Variants in MEGF6 observed in about 807,000 individuals in gnomAD.
MEGF6 encodes multiple epidermal growth factor-like domains protein 6.
MEGF6 carries 184 observed loss-of-function variants against 207.1 expected under a neutral mutation model. The ratio of observed to expected loss-of-function variants is 0.89; its 90% CI spans 0.79 to 1.00. The LOEUF (loss-of-function observed/expected upper bound fraction) is 1.00, where lower values mean the gene tolerates loss of function less well. MEGF6 is among the 50% of genes least tolerant of loss of function. MEGF6 has a pLI of 0.00. For synonymous variants in MEGF6, 1,038 were observed against 910.0 expected (o/e 1.14, Z -2.53); for missense variants, 2,282 against 2,202.9 (o/e 1.04, Z -0.72).
At chr1:3,511,760 C>T in intron 8 of MEGF6, 73 bp from the exon 9 acceptor site, 2 of 1,554,676 alleles carry the variant, frequency 1.3e-6, no homozygotes, top group South Asian at 1.2e-5. Context: ...GTTACCCCTA[C>T]CTCCACCCAG....
rs749199549 is a variant in MEGF6, at chr1:3,508,621, A to T, written c.1597T>A (p.Cys533Ser). 6.2e-7 allele frequency: 1 copy of T among 1,613,552 alleles called. No homozygotes were observed. Among genetic ancestry groups the T allele is most frequent in the Non-Finnish European group, 8.5e-7 (1 of 1,179,958 alleles). ...TCDDCRNGGT[C>S]LLGLDGCDCP... ...TCACAGCCATCCAGGCCCAGGAGGC[A>T]GGTCCCTCCGTTCCTGCAGTCATCA... Residue 533 changes from cysteine to serine, a missense_variant, in exon 13 of 37, where the codon TGC becomes AGC. Transcript: ENST00000356575.
intron 1 of MEGF6, among the ~76,000 whole-genome samples, chr1:3,604,464 G>A (rs541823364): frequency 4.5e-4 from 69 of 152,290 alleles, no homozygotes; most frequent in Non-Finnish European, 7.2e-4. Flanking sequence ...CCAGCTAGGC[G>A]GGATCAGCTG....
Position 3,512,090 on chromosome 1 carries a change from G to A in MEGF6, c.892C>T (p.His298Tyr), listed in dbSNP as rs776913653. 2 of 1,612,022 alleles carry A rather than the reference G, an allele frequency of 1.2e-6. No individual in the cohort carries two copies. The highest frequency in any genetic ancestry group is 2.2e-5 in the East Asian group (1 of 44,856). Residue 298 changes from histidine to tyrosine, a missense_variant, in exon 8 of 37, where the codon CAT (histidine) becomes TAT (tyrosine). Physicochemically the swap from His to Tyr is moderately conservative, Grantham distance 83. Coordinates refer to ENST00000356575, the MANE Select transcript of MEGF6 (RefSeq NM_001409.4). ...ECAAGLAQCA[H>Y]GCLNTQGSFK... ...GACCCCTGGGTGTTGAGGCAGCCAT[G>A]GGCACACTGGGCCAGCCCTGCGGCA... is the stretch of plus-strand genomic sequence containing the variant.
At chr1:3,568,797 G>A (rs1221545239) in intron 4 of MEGF6, among the ~76,000 whole-genome samples, 1 of 152,128 alleles carries the variant, frequency 6.6e-6, no homozygotes, top group African/African-American at 2.4e-5. Flanking sequence ...AGCCCTGTGG[G>A]TGAGGTTTGC....
intron 4 of MEGF6, among the ~76,000 whole-genome samples, chr1:3,541,596 G>A (rs2101511661): frequency 6.6e-6 from 1 of 152,268 alleles, no homozygotes; most frequent in Non-Finnish European, 1.5e-5. Context: ...CGCGGGAGAG[G>A]CACAGCTGGC....
intron 4 of MEGF6, among the ~76,000 whole-genome samples, chr1:3,548,340 A>C (rs1250015558): frequency 6.6e-6 from 1 of 152,228 alleles, no homozygotes; most frequent in Non-Finnish European, 1.5e-5. Flanking sequence ...GGGCGGGGCC[A>C]AAGGCCTCGG....
chr1:3,583,885 C>CGCACAGCCACCAGACAAT (rs1553206732), intron 3 of MEGF6, among the ~76,000 whole-genome samples: 13,027 of 43,478 alleles, frequency 0.3, 750 homozygotes, highest in Middle Eastern at 0.37. Context: ...CACCAGACAA[C>CGCACAGCCACCAGACAAT]GCGCAGCCAC....
chr1:3,550,217 G>A (rs1413132962), intron 4 of MEGF6, among the ~76,000 whole-genome samples: 11 of 152,186 alleles, frequency 7.2e-5, no homozygotes, highest in Non-Finnish European at 5.9e-5. Flanking sequence ...CTCAAACCAC[G>A]GTGTGTGCAC....
chr1:3,494,473 C>T lies in MEGF6; in HGVS notation c.4027G>A (p.Ala1343Thr), dbSNP rs763972830. The T allele has an allele frequency of 6.3e-6, 10 of 1,581,796 alleles. No homozygotes were observed. Among genetic ancestry groups the T allele is most frequent in the South Asian group, 1.1e-5 (1 of 87,592 alleles). ...TGGCAGGAGCACTCCAGATGGCAGG[C>T]GGCTCCGTAGCGCCCAGGGGGACAG... ...LACPPGRYGA[A>T]CHLECSCHNN... Residue 1343 changes from alanine (A) to threonine (T), a missense_variant, in exon 32 of 37, where the codon GCC (alanine) becomes ACC (threonine). Coordinates refer to ENST00000356575, the MANE Select transcript of MEGF6 (RefSeq NM_001409.4).
intron 3 of MEGF6, among the ~76,000 whole-genome samples, chr1:3,583,832 GCGCAGCCACCAGACAACC>G: frequency 2.3e-4 from 1 of 4,276 alleles, no homozygotes; most frequent in Non-Finnish European, 4.9e-4. Flanking sequence ...ACCAGACAAC[GCGCAGCCACCAGACAACC>G]CGCAGCCACC....
chr1:3,618,011 C>A, the MEGF6 span, among the ~76,000 whole-genome samples: 1 of 152,252 alleles, frequency 6.6e-6, no homozygotes, highest in South Asian at 2.1e-4. The surrounding 1 kb of genome is among the most constrained non-coding windows in gnomAD (Gnocchi z 4.7). Flanking sequence ...GCCTCCACAG[C>A]GGGTGCTGCC....
chr1:3,505,627 C>A (rs1641087140), intron 15 of MEGF6, 71 bp from the exon 16 acceptor site: 6 of 1,463,480 alleles, frequency 4.1e-6, no homozygotes, highest in Non-Finnish European at 5.4e-6. Context: ...TCCACCAGCC[C>A]TGGGTCAGCC....
At chr1:3,592,467 G>T (rs1049347530) in intron 3 of MEGF6, among the ~76,000 whole-genome samples, 5 of 152,068 alleles carry the variant, frequency 3.3e-5, no homozygotes, top group Admixed American at 3.3e-4. Context: ...TCACACCCTG[G>T]CCACAGGAGA....
intron 35 of MEGF6, 77 bp from the exon 36 acceptor site, chr1:3,491,036 C>G: frequency 2.2e-6 from 3 of 1,370,940 alleles, no homozygotes; most frequent in Non-Finnish European, 2.9e-6. Context: ...AAGGCGTGAC[C>G]CCATCCAGGC....
At chr1:3,531,056 T>C in intron 4 of MEGF6, 1 of 1,404,708 alleles carries the variant, frequency 7.1e-7, no homozygotes, top group African/African-American at 1.5e-5. Context: ...CCGCCCGCCC[T>C]GCCCAGGCTC....
At chr1:3,532,792 G>T (rs1642218345) in intron 4 of MEGF6, among the ~76,000 whole-genome samples, 2 of 152,228 alleles carry the variant, frequency 1.3e-5, no homozygotes, top group South Asian at 4.1e-4. Context: ...ATAGCCACGG[G>T]TAGAGCTGTG....
At chr1:3,602,683 G>A in intron 1 of MEGF6, 83 bp from the exon 2 acceptor site, 2 of 1,516,884 alleles carry the variant, frequency 1.3e-6, no homozygotes, top group South Asian at 1.3e-5. Flanking sequence ...AGCCTTGGGT[G>A]TCAGCTCATC....
chr1:3,501,144 T>C, intron 19 of MEGF6, 33 bp downstream of exon 19: 2 of 1,612,322 alleles, frequency 1.2e-6, no homozygotes, highest in Non-Finnish European at 1.7e-6. Context: ...CTACCCCAGG[T>C]CAAAGGCTCA....
At chr1:3,490,816 G>A (rs1277454993) in intron 36 of MEGF6, 96 bp downstream of exon 36, 12 of 1,448,256 alleles carry the variant, frequency 8.3e-6, no homozygotes, top group Non-Finnish European at 1.0e-5. Flanking sequence ...TGCAGCTGCT[G>A]CCCTGTGGGG....
Sources: gnomAD v4.1 joint callset for allele counts (sites outside exome capture counted in the v4.1 genomes callset) on GRCh38, gnomAD v4.1.1 for gene constraint, Gnocchi (gnomAD v3.1) non-coding constraint, MANE v1.5 for transcripts, NCBI Gene and HGNC (gene_info 2026-07-23, HGNC 2026-07-21) for gene names.